NARS2: variants seen among roughly 807,000 people sequenced by gnomAD.
The protein encoded by NARS2 is asparaginyl-tRNA synthetase.
NARS2 carries 60 observed loss-of-function variants against 62.9 expected under a neutral mutation model. That is an observed-to-expected ratio of 0.95 (90% CI 0.77 to 1.18). The LOEUF (loss-of-function observed/expected upper bound fraction) is 1.18. Ranked by LOEUF, NARS2 falls within the 50% of genes most tolerant of loss-of-function variation. The probability of loss-of-function intolerance (pLI) is 0.00; values close to 1 mark genes in which losing one functional copy is unlikely to be tolerated. For missense variants in NARS2, 619 were observed against 576.4 expected (o/e 1.07, Z -0.76); for synonymous variants, 196 against 200.0 (o/e 0.98, Z 0.17).
intron 7 of NARS2, among the ~76,000 whole-genome samples, 181 bp from the exon 8 acceptor site, chr11:78,478,864 G>C (rs1418597941): frequency 6.6e-6 from 1 of 152,122 alleles, no homozygotes; most frequent in African/African-American, 2.4e-5. Context: ...TCCTTGGTGG[G>C]TGGCAGGGAG....
intron 7 of NARS2, among the ~76,000 whole-genome samples, chr11:78,486,861 A>T (rs1023195186): frequency 2.6e-5 from 4 of 152,242 alleles, no homozygotes; most frequent in Non-Finnish European, 5.9e-5. Flanking sequence ...GGTAAAGGGA[A>T]ACATTCTTAA....
At chr11:78,492,386 G>C (rs1457887277) in intron 7 of NARS2, among the ~76,000 whole-genome samples, 1 of 152,078 alleles carries the variant, frequency 6.6e-6, no homozygotes, top group African/African-American at 2.4e-5. Context: ...CTAAATCATT[G>C]TTCATATTGC....
At chr11:78,468,167 C>G (rs1056026082) in intron 10 of NARS2, among the ~76,000 whole-genome samples, 1 of 151,004 alleles carries the variant, frequency 6.6e-6, no homozygotes, top group African/African-American at 2.4e-5. Context: ...GGCATCATAA[C>G]GAGACCTCCA....
intron 3 of NARS2, among the ~76,000 whole-genome samples, chr11:78,567,185 C>A (rs1489295428): frequency 2.0e-5 from 3 of 152,124 alleles, no homozygotes; most frequent in Admixed American, 6.6e-5. Context: ...AGTAGTCCCC[C>A]ACTTACCCAC....
intron 5 of NARS2, among the ~76,000 whole-genome samples, chr11:78,546,900 T>G (rs1047268170): frequency 2.0e-5 from 3 of 152,234 alleles, no homozygotes; most frequent in African/African-American, 7.2e-5. Flanking sequence ...CTAGAGCACT[T>G]ATAAAAAGTG....
At chr11:78,457,722 T>C (rs1270601179) in intron 11 of NARS2, among the ~76,000 whole-genome samples, 1 of 152,098 alleles carries the variant, frequency 6.6e-6, no homozygotes, top group South Asian at 2.1e-4. Flanking sequence ...TTCCCAGTAC[T>C]GTTGAAGGTA....
intron 5 of NARS2, among the ~76,000 whole-genome samples, chr11:78,547,506 GA>G (rs137935506): frequency 0.01 from 1,545 of 152,338 alleles, 28 homozygotes; most frequent in African/African-American, 0.035. Flanking sequence ...GAATGAGGCA[GA>G]AGCAGTAAGA....
At chr11:78,522,616 AGAT>A (rs893863845) in intron 6 of NARS2, among the ~76,000 whole-genome samples, 7 of 152,218 alleles carry the variant, frequency 4.6e-5, no homozygotes, top group Admixed American at 3.3e-4. Context: ...GGAAAAAAAA[AGAT>A]GATGTAGAAA....
At chr11:78,563,849 A>ATATATAT (rs1250561530) in intron 4 of NARS2, among the ~76,000 whole-genome samples, 1 of 54,674 alleles carries the variant, frequency 1.8e-5, no homozygotes, top group African/African-American at 8.8e-5. Flanking sequence ...AAAAAAAAAA[A>ATATATAT]AAATATATAT....
At chr11:78,486,019 C>A (rs188838818) in intron 7 of NARS2, among the ~76,000 whole-genome samples, 77 of 152,214 alleles carry the variant, frequency 5.1e-4, no homozygotes, top group African/African-American at 1.6e-3. Context: ...GGATTACAGG[C>A]ACATGTCACC....
At chr11:78,513,903 T>C (rs898845821) in intron 6 of NARS2, among the ~76,000 whole-genome samples, 3 of 151,982 alleles carry the variant, frequency 2.0e-5, no homozygotes, top group African/African-American at 7.3e-5. Flanking sequence ...TTTTTGACGG[T>C]GGGTTCTCAT....
intron 6 of NARS2, among the ~76,000 whole-genome samples, chr11:78,520,022 T>C (rs1048930145): frequency 6.6e-6 from 1 of 152,094 alleles, no homozygotes. Flanking sequence ...CAAACAGTTA[T>C]ATTTATAAAA....
At chr11:78,494,319 G>A (rs1859961270) in intron 6 of NARS2, among the ~76,000 whole-genome samples, 1 of 152,140 alleles carries the variant, frequency 6.6e-6, no homozygotes, top group Admixed American at 6.6e-5. Context: ...TTAAGGTTTT[G>A]TTAGAACAAA....
At chr11:78,518,813 G>C (rs1024669432) in intron 6 of NARS2, among the ~76,000 whole-genome samples, 5 of 152,054 alleles carry the variant, frequency 3.3e-5, no homozygotes, top group African/African-American at 1.2e-4. Context: ...CACTGCACCC[G>C]GCCAGAATTT....
At chr11:78,456,792 C>G (rs765754814) in intron 11 of NARS2, among the ~76,000 whole-genome samples, 12 of 152,230 alleles carry the variant, frequency 7.9e-5, no homozygotes, top group Non-Finnish European at 1.6e-4. Flanking sequence ...ACTCCCCCAG[C>G]TGAACATCTG....
intron 5 of NARS2, among the ~76,000 whole-genome samples, chr11:78,542,004 A>G (rs537903354): frequency 5.3e-5 from 8 of 152,340 alleles, no homozygotes; most frequent in African/African-American, 7.2e-5. Flanking sequence ...AAAATTTCCA[A>G]TAAGTCCAGT....
rs186347502 is a variant in NARS2 at position 78,563,286 on chromosome 11, C to T, written c.513+2846G>A. Among the ~76,000 whole-genome samples the T allele has an allele frequency of 8.7e-3, 1,226 of 141,574 alleles. 25 individuals are homozygous for T. Among genetic ancestry groups the T allele is most frequent in the African/African-American group, 0.032 (1,180 of 37,458 alleles). The allele number at this position is 141,574 out of a possible 152,430, so 92.9% of individuals were successfully genotyped here. A position where few individuals can be genotyped will look rare whatever the true frequency, so the allele number is the denominator to read the frequency against. On this transcript the variant is annotated intron_variant, in intron 4 of 13. Coordinates refer to ENST00000281038, the MANE Select transcript of NARS2 (RefSeq NM_024678.6). ...AGGTTGGAGTGCAGTGGCGCAATCTCGGTTCACTGCAACCTCCGCCTCCCG... is the reference window on the plus strand; with the variant it reads ...AGGTTGGAGTGCAGTGGCGCAATCTTGGTTCACTGCAACCTCCGCCTCCCG...
At position 78,552,400 on chromosome 11, in the gene NARS2, G is replaced by C. The variant is rs1856161892; in HGVS notation, c.594+7139C>G. 2.6e-5 allele frequency among the ~76,000 whole-genome samples: 4 copies of C among 152,130 alleles called. 1 individual carries two copies. In the South Asian group the frequency reaches 8.3e-4, roughly 32 times the overall value. On this transcript the variant is annotated intron_variant, in intron 5 of 13. Coordinates refer to ENST00000281038, the MANE Select transcript of NARS2 (RefSeq NM_024678.6). Reference sequence around the variant, plus strand: ...TCTTTATCCAGTCTGTCACTGATGGGCACTTAGGTTGACTCCGTATCTTTG... The same window carrying C: ...TCTTTATCCAGTCTGTCACTGATGGCCACTTAGGTTGACTCCGTATCTTTG...
At chr11:78,564,910 G>T (rs73508849) in intron 4 of NARS2, among the ~76,000 whole-genome samples, 2,625 of 152,282 alleles carry the variant, frequency 0.017, 69 homozygotes, top group African/African-American at 0.06. Context: ...TTTTCAAGGG[G>T]CAAGAACCTT....
Sources: allele counts gnomAD v4.1 joint callset (sites outside exome capture counted in the v4.1 genomes callset), GRCh38; gene constraint gnomAD v4.1.1; transcripts MANE v1.5; gene names NCBI Gene and HGNC (gene_info 2026-07-23, HGNC 2026-07-21).